TMEM115: variants seen among roughly 807,000 people sequenced by gnomAD.
TMEM115 encodes transmembrane protein 115, also known as PP6.
In TMEM115, 8 loss-of-function variants were observed where a neutral mutation model predicts 20.1. The observed-to-expected ratio is 0.40, with a 90% confidence interval of 0.23 to 0.72. The LOEUF is 0.72. Among genes scored for constraint, TMEM115 ranks in the 30% least tolerant of loss-of-function variants. TMEM115 has a pLI of 0.39. For synonymous variants in TMEM115, 229 were observed against 206.2 expected (o/e 1.11, Z -0.95); for missense variants, 374 against 455.1 (o/e 0.82, Z 1.62).
Position 50,358,918 on chromosome 3 carries a change from G to A in TMEM115, c.146C>T (p.Pro49Leu), listed in dbSNP as rs1355088466. 1 of 1,612,798 alleles carries A rather than the reference G, an allele frequency of 6.2e-7. No homozygotes were observed. Among genetic ancestry groups the A allele is most frequent in the Non-Finnish European group, 8.5e-7 (1 of 1,179,948 alleles). ...AVDTGCLAVT[P>L]GYLFPPNFWI... ...GAAGTTGGGAGGAAAGAGGTAGCCC[G>A]GGGTGACCGCCAGGCAGCCTGTGTC... Residue 49 changes from proline (P) to leucine (L), a missense_variant, in exon 1 of 2, where the codon CCG becomes CTG. Physicochemically the swap from Pro to Leu is moderately conservative, Grantham distance 98. Transcript: ENST00000266025.
intron 1 of TMEM115, 162 bp downstream of exon 1, chr3:50,358,051 C>T (rs1703904180): frequency 1.1e-6 from 1 of 940,776 alleles, no homozygotes; most frequent in Admixed American, 2.7e-5. Flanking sequence ...AGACACCTAA[C>T]TGCTGAGTTC....
Position 50,359,100 on chromosome 3 carries a change from T to C in TMEM115, c.-37A>G, listed in dbSNP as rs1317540625. ...CTGTCGGCCTGAGAAAAGGGTCTGG[T>C]AGGCCAGGGGCCTCCCCGGGGCCTC... On this transcript the variant is annotated 5_prime_UTR_variant, in exon 1 of 2. Transcript: ENST00000266025. 1.3e-6 allele frequency: 2 copies of C among 1,531,704 alleles called. No individual in the cohort carries two copies. Among genetic ancestry groups the C allele is most frequent in the East Asian group, 2.5e-5 (1 of 40,702 alleles). The allele number at this position is 1,531,704 out of a possible 1,614,324, so 94.9% of individuals were successfully genotyped here.
In TMEM115 at chr3:50,358,495, G is replaced by T. The variant is rs143021589; in HGVS notation, c.569C>A (p.Ala190Glu). 3.8e-4 allele frequency: 611 copies of T among 1,612,532 alleles called. 1 individual carries two copies. In the Middle Eastern group the frequency reaches 8.3e-3, roughly 22 times the overall value. Reference sequence around the variant, plus strand: ...CAGCCCGAAGCCATAGGAAGCCAGCGCCGGGCTCTGGAGCAGCGTGGCGAG... The same window carrying T: ...CAGCCCGAAGCCATAGGAAGCCAGCTCCGGGCTCTGGAGCAGCGTGGCGAG... ...LRLATLLQSP[A>E]LASYGFGLLS... Residue 190 changes from alanine (A) to glutamate (E), a missense_variant, in exon 1 of 2, where the codon GCG becomes GAG. Ala to Glu is a moderately radical substitution (Grantham distance 107, BLOSUM62 -1). Transcript: ENST00000266025.
chr3:50,358,845 C>G lies in TMEM115; in HGVS notation c.219G>C (p.Trp73Cys). Residue 73 changes from tryptophan (W) to cysteine (C), a missense_variant, in exon 1 of 2, where the codon TGG becomes TGC. Coordinates refer to ENST00000266025, the MANE Select transcript of TMEM115 (RefSeq NM_007024.5). ...ATHGLMEQHV[W>C]DVAISLTTVV... ...CCGTTGTCAGGCTGATGGCCACGTCCCACACATGCTGCTCCATCAGCCCAT... is the reference window on the plus strand; with the variant it reads ...CCGTTGTCAGGCTGATGGCCACGTCGCACACATGCTGCTCCATCAGCCCAT... 1.2e-6 allele frequency: 2 copies of G among 1,613,298 alleles called. No individual in the cohort carries two copies. The highest frequency in any genetic ancestry group is 1.7e-6 in the Non-Finnish European group (2 of 1,180,040).
At position 50,359,303 on chromosome 3, in the gene TMEM115, T is replaced by G. The variant is rs1703927628; in HGVS notation, c.-240A>C. 1.6e-6 allele frequency: 1 copy of G among 613,698 alleles called. No individual in the cohort carries two copies. Among genetic ancestry groups the G allele is most frequent in the Non-Finnish European group, 2.7e-6 (1 of 369,214 alleles). 38.0% of individuals were successfully genotyped at this position (613,698 alleles called of 1,614,324 possible). Reference sequence around the variant, plus strand: ...GACCTGAGGGAAGGCCCTGGACGGCTGCGGCACGCCCGCCTACCCACCCTG... The same window carrying G: ...GACCTGAGGGAAGGCCCTGGACGGCGGCGGCACGCCCGCCTACCCACCCTG... On this transcript the variant is annotated 5_prime_UTR_variant, in exon 1 of 2. Coordinates refer to ENST00000266025, the MANE Select transcript of TMEM115 (RefSeq NM_007024.5).
Position 50,359,060 on chromosome 3 carries a change from G to A in TMEM115, c.4C>T (p.Gln2Ter). M[Q>*]RALPGARQHL... is the part of the protein sequence containing the mutation. The stretch of plus-strand genomic sequence containing the variant: ...TGGCGGGCGCCTGGCAGGGCACGTT[G>A]CATCTTCCTGGCGGCTGTCGGCCTG... Residue 2 changes from glutamine (Q) to a stop codon, truncating the protein, a stop_gained, in exon 1 of 2, where the codon CAA (glutamine) becomes TAA (stop). Coordinates refer to ENST00000266025, the MANE Select transcript of TMEM115 (RefSeq NM_007024.5). LOFTEE classifies it high-confidence loss of function. 1 of 1,547,840 alleles carries A rather than the reference G, an allele frequency of 6.5e-7. No homozygotes were observed. The highest frequency in any genetic ancestry group is 8.7e-7 in the Non-Finnish European group (1 of 1,145,482).
At position 50,354,923 on chromosome 3, in the gene TMEM115, A is replaced by ATG. The variant is rs1349975922; in HGVS notation, c.*418_*419dup. On this transcript the variant is annotated 3_prime_UTR_variant, in exon 2 of 2. Transcript: ENST00000266025. ...ACAGTCTTTCTGGGGATGGGCAGGG[A>ATG]TGTGCAGCCCCAGGTCGGCTCCTGC... is the stretch of plus-strand genomic sequence containing the variant. The ATG allele has an allele frequency of 6.2e-6, 1 of 160,792 alleles. No individual in the cohort carries two copies. The highest frequency in any genetic ancestry group is 1.8e-4 in the East Asian group (1 of 5,574). The allele number at this position is 160,792 out of a possible 1,614,324, so 10.0% of individuals were successfully genotyped here.
chr3:50,359,302 C>T lies in TMEM115; in HGVS notation c.-239G>A. 1 of 617,582 alleles carries T rather than the reference C, an allele frequency of 1.6e-6. No homozygotes were observed. Among genetic ancestry groups the T allele is most frequent in the South Asian group, 2.2e-5 (1 of 44,984 alleles). The allele number at this position is 617,582 out of a possible 1,614,324, so 38.3% of individuals were successfully genotyped here. ...GGACCTGAGGGAAGGCCCTGGACGGCTGCGGCACGCCCGCCTACCCACCCT... is the reference window on the plus strand; with the variant it reads ...GGACCTGAGGGAAGGCCCTGGACGGTTGCGGCACGCCCGCCTACCCACCCT... On this transcript the variant is annotated 5_prime_UTR_variant, in exon 1 of 2. Transcript: ENST00000266025.
In TMEM115 at chr3:50,359,246, T is replaced by G; in HGVS notation, c.-183A>C. 1 of 1,013,804 alleles carries G rather than the reference T, an allele frequency of 9.9e-7. No individual in the cohort carries two copies. Among genetic ancestry groups the G allele is most frequent in the Non-Finnish European group, 1.4e-6 (1 of 719,564 alleles). The allele number at this position is 1,013,804 out of a possible 1,614,324, so 62.8% of individuals were successfully genotyped here. A position where few individuals can be genotyped will look rare whatever the true frequency, so the allele number is the denominator to read the frequency against. On this transcript the variant is annotated 5_prime_UTR_variant, in exon 1 of 2. Transcript: ENST00000266025. ...TCCCGAGGGGCCGAGTCGGGCCTTG[T>G]TGCCGGGCCGCAGCGTAGGCCCCTC... is the stretch of plus-strand genomic sequence containing the variant.
Position 50,355,148 on chromosome 3 carries a change from TG to T in TMEM115, c.*194del. 2 of 430,938 alleles carry T rather than the reference TG, an allele frequency of 4.6e-6. No homozygotes were observed. Among genetic ancestry groups the T allele is most frequent in the East Asian group, 3.5e-5 (1 of 28,174 alleles). The allele number at this position is 430,938 out of a possible 1,614,324, so 26.7% of individuals were successfully genotyped here. On this transcript the variant is annotated 3_prime_UTR_variant, in exon 2 of 2. Coordinates refer to ENST00000266025, the MANE Select transcript of TMEM115 (RefSeq NM_007024.5). ...GCCGATGCCTCAGAGGCTCCGGGCC[TG>T]GCATAGTGGTTGTCTGGAGTTGGAA...
intron 1 of TMEM115, among the ~76,000 whole-genome samples, chr3:50,357,617 C>T (rs1703898525): frequency 6.6e-6 from 1 of 152,192 alleles, no homozygotes; most frequent in South Asian, 2.1e-4. Context: ...GGGTCATCGC[C>T]ACTCCCTGGT....
chr3:50,358,715 A>G lies in TMEM115; in HGVS notation c.349T>C (p.Tyr117His). 6.2e-7 allele frequency: 1 copy of G among 1,613,546 alleles called. No individual in the cohort carries two copies. The highest frequency in any genetic ancestry group is 8.5e-7 in the Non-Finnish European group (1 of 1,180,042). ...AAGGAAGCCATGTAGGTGAGGAGGT[A>G]GGCGAAGGCCCCCAGCAGCCCTACA... ...VSVGLLGAFA[Y>H]LLTYMASFNL... Residue 117 changes from tyrosine to histidine, a missense_variant, in exon 1 of 2, where the codon TAC becomes CAC. By Grantham distance (83) the Tyr-to-His change is moderately conservative (BLOSUM62 2). Transcript: ENST00000266025.
chr3:50,358,098 G>T, intron 1 of TMEM115, 115 bp downstream of exon 1: 1 of 1,397,776 alleles, frequency 7.2e-7, no homozygotes, highest in Non-Finnish European at 9.7e-7. Flanking sequence ...TTCCGGATGT[G>T]CCCCAATACC....
At chr3:50,355,734 AATG>A (rs1248782484) in intron 1 of TMEM115, among the ~76,000 whole-genome samples, 187 bp from the exon 2 acceptor site, 15 of 152,138 alleles carry the variant, frequency 9.9e-5, no homozygotes, top group African/African-American at 3.6e-4. Context: ...CTGCCATCAG[AATG>A]ATAACCCAAA....
Position 50,355,505 on chromosome 3 carries a change from C to T in TMEM115, c.894G>A (p.Val298=). ...LKALNERLKR[V]EDQSIWPSMD... ...TGCTGGGCCAGATGGACTGGTCTTC[C>T]ACTCTCTTCAGCCGCTCATTGAGTG... Residue 298 remains valine (V), a synonymous_variant, in exon 2 of 2, where the codon GTG becomes GTA. Coordinates refer to ENST00000266025, the MANE Select transcript of TMEM115 (RefSeq NM_007024.5). 1 of 1,608,826 alleles carries T rather than the reference C, an allele frequency of 6.2e-7. No individual in the cohort carries two copies. Among genetic ancestry groups the T allele is most frequent in the African/African-American group, 1.3e-5 (1 of 74,816 alleles).
chr3:50,357,558 C>G (rs1398952111), intron 1 of TMEM115, among the ~76,000 whole-genome samples: 3 of 152,172 alleles, frequency 2.0e-5, no homozygotes, highest in Non-Finnish European at 4.4e-5. Flanking sequence ...GTGAATAATT[C>G]AGCTGGGACT....
chr3:50,357,996 C>CT (rs1270948497), intron 1 of TMEM115: 1 of 604,528 alleles, frequency 1.7e-6, no homozygotes, highest in Non-Finnish European at 2.9e-6. Context: ...TTTCTTGAGA[C>CT]TTATTAAGTG....
Position 50,359,390 on chromosome 3 carries a change from C to T in TMEM115, c.-327G>A. The T allele has an allele frequency of 3.3e-6, 1 of 303,592 alleles. No homozygotes were observed. The highest frequency in any genetic ancestry group is 6.2e-6 in the Non-Finnish European group (1 of 161,344). The allele number at this position is 303,592 out of a possible 1,614,324, so 18.8% of individuals were successfully genotyped here. A position where few individuals can be genotyped will look rare whatever the true frequency, so the allele number is the denominator to read the frequency against. On this transcript the variant is annotated 5_prime_UTR_variant, in exon 1 of 2. The change creates a new upstream start codon in the 5' untranslated region. Coordinates refer to ENST00000266025, the MANE Select transcript of TMEM115 (RefSeq NM_007024.5). ...CTCAGGGCTGGGCCTCCTCCATCCACTGCGAGGCCCTTCGGTTCGCAAGGG... is the reference window on the plus strand; with the variant it reads ...CTCAGGGCTGGGCCTCCTCCATCCATTGCGAGGCCCTTCGGTTCGCAAGGG...
chr3:50,356,385 T>G (rs973131676), intron 1 of TMEM115, among the ~76,000 whole-genome samples: 1 of 152,172 alleles, frequency 6.6e-6, no homozygotes, highest in South Asian at 2.1e-4. Flanking sequence ...GTTTCAACAG[T>G]GACCACTGTG....
Sources: allele counts gnomAD v4.1 joint callset (sites outside exome capture counted in the v4.1 genomes callset), GRCh38; gene constraint gnomAD v4.1.1; transcripts MANE v1.5; gene names NCBI Gene and HGNC (gene_info 2026-07-23, HGNC 2026-07-21).